XYLT1: variants seen among roughly 807,000 people sequenced by gnomAD.
The protein encoded by XYLT1 is xylosyltransferase 1.
In XYLT1, 36 loss-of-function variants were observed where a neutral mutation model predicts 91.3. That is an observed-to-expected ratio of 0.39 (90% CI 0.30 to 0.52). The LOEUF is 0.52. XYLT1 is among the 20% of genes least tolerant of loss of function. The pLI, the probability that XYLT1 is intolerant of heterozygous loss-of-function variation, is 0.68. For missense variants in XYLT1, 1,242 were observed against 1,284.5 expected (o/e 0.97, Z 0.51); for synonymous variants, 588 against 532.0 (o/e 1.11, Z -1.45).
At chr16:17,122,264 C>G (rs2030089919) in intron 10 of XYLT1, among the ~76,000 whole-genome samples, 1 of 152,100 alleles carries the variant, frequency 6.6e-6, no homozygotes, top group African/African-American at 2.4e-5. Context: ...ATGCCAACAT[C>G]TGTTATTTTT....
intron 1 of XYLT1, among the ~76,000 whole-genome samples, chr16:17,419,702 A>T (rs1247128587): frequency 6.7e-6 from 1 of 149,986 alleles, no homozygotes; most frequent in African/African-American, 2.4e-5. Flanking sequence ...GATTTCTAAA[A>T]TATAAGAAAA....
intron 2 of XYLT1, among the ~76,000 whole-genome samples, chr16:17,323,250 T>C (rs995734401): frequency 2.0e-5 from 3 of 152,252 alleles, no homozygotes; most frequent in Admixed American, 2.0e-4. Flanking sequence ...GGGCAGTACG[T>C]AGAGGACAGG....
chr16:17,291,853 G>A (rs1230387206), intron 2 of XYLT1, among the ~76,000 whole-genome samples: 1 of 152,060 alleles, frequency 6.6e-6, no homozygotes, highest in African/African-American at 2.4e-5. Context: ...AACACAGTGT[G>A]GGGACGAGGT....
intron 1 of XYLT1, among the ~76,000 whole-genome samples, chr16:17,434,774 G>T (rs1210572542): frequency 2.6e-5 from 4 of 152,098 alleles, no homozygotes; most frequent in Admixed American, 6.6e-5. Context: ...AGGCTGATGT[G>T]GGAGGGTCTC....
intron 2 of XYLT1, among the ~76,000 whole-genome samples, chr16:17,335,945 T>C (rs554187557): frequency 6.6e-6 from 1 of 152,340 alleles, no homozygotes; most frequent in East Asian, 1.9e-4. Context: ...TGTGGAGTTA[T>C]AGCTTAAAAT....
At position 17,109,034 on chromosome 16, in the gene XYLT1, A is replaced by G; in HGVS notation, c.2558-17T>C. The G allele has an allele frequency of 6.7e-7, 1 of 1,497,500 alleles. No homozygotes were observed. The highest frequency in any genetic ancestry group is 8.9e-7 in the Non-Finnish European group (1 of 1,121,280). The allele number at this position is 1,497,500 out of a possible 1,614,324, so 92.8% of individuals were successfully genotyped here. ...GTGCCTCCTCTGAAAGCCAAAGGGA[A>G]CAATTTCAGGATCAGAAGAGCCACC... On this transcript the variant is annotated splice_polypyrimidine_tract_variant and intron_variant, in intron 11 of 11. Transcript: ENST00000261381.
intron 5 of XYLT1, among the ~76,000 whole-genome samples, chr16:17,191,817 A>G (rs1232898078): frequency 6.6e-6 from 1 of 152,268 alleles, no homozygotes; most frequent in Non-Finnish European, 1.5e-5. Flanking sequence ...TGTAACTTAC[A>G]TGTCCATGTG....
chr16:17,302,741 G>T (rs1379652), intron 2 of XYLT1, among the ~76,000 whole-genome samples: 90,389 of 152,006 alleles, frequency 0.59, 28,137 homozygotes, highest in African/African-American at 0.79. Context: ...CTTCCTGAAA[G>T]AGGGATGGGT....
rs777022088 is a variant in XYLT1 at position 17,364,225 on chromosome 16, G to A, written c.364-6175C>T. Among the ~76,000 whole-genome samples, 22 of 152,134 alleles carry A rather than the reference G, an allele frequency of 1.4e-4. 1 individual carries two copies. Among genetic ancestry groups the A allele is most frequent in the Admixed American group, 1.1e-3 (17 of 15,278 alleles). ...CTTTATTTTTCTCACTGACCCCCAC[G>A]TAAACAGGTAGGATTATACTTGCCA... is the stretch of plus-strand genomic sequence containing the variant. On this transcript the variant is annotated intron_variant, in intron 1 of 11. Transcript: ENST00000261381.
rs1472070254 is a variant in XYLT1 at position 17,198,294 on chromosome 16, G to C, written c.1207C>G (p.Gln403Glu). Residue 403 changes from glutamine to glutamate, a missense_variant, in exon 5 of 12, where the codon CAG (glutamine) becomes GAG (glutamate). By Grantham distance (29) the Gln-to-Glu change is conservative. Transcript: ENST00000261381. ...GGASLLSTYL[Q>E]SMRDLLEMTD... The stretch of plus-strand genomic sequence containing the variant: ...ATCTCCAGGAGGTCCCGCATGCTCT[G>C]CAGGTAGGTGGACAGGAGGCTGGCT... The C allele has an allele frequency of 6.2e-7, 1 of 1,614,214 alleles. No individual in the cohort carries two copies. The highest frequency in any genetic ancestry group is 1.1e-5 in the South Asian group (1 of 91,090).
intron 2 of XYLT1, among the ~76,000 whole-genome samples, chr16:17,352,649 T>C (rs2035238060): frequency 1.3e-5 from 2 of 152,160 alleles, no homozygotes; most frequent in Admixed American, 1.3e-4. Flanking sequence ...TCAAACCTCA[T>C]CTCTCCAGCT....
chr16:17,264,487 A>G (rs890563958), intron 2 of XYLT1, among the ~76,000 whole-genome samples: 1 of 152,176 alleles, frequency 6.6e-6, no homozygotes, highest in Non-Finnish European at 1.5e-5. Flanking sequence ...TGGACATGAC[A>G]TATCACTTCA....
At chr16:17,387,806 A>G (rs1361688668) in intron 1 of XYLT1, among the ~76,000 whole-genome samples, 1 of 152,164 alleles carries the variant, frequency 6.6e-6, no homozygotes, top group Non-Finnish European at 1.5e-5. Context: ...GAAGCTCAAC[A>G]TTGGCATGCC....
intron 1 of XYLT1, among the ~76,000 whole-genome samples, chr16:17,400,589 C>CA (rs1175663581): frequency 1.4e-5 from 1 of 73,488 alleles, no homozygotes; most frequent in African/African-American, 5.1e-5. Context: ...GACTCCATCT[C>CA]AAAAAAAAAG....
intron 1 of XYLT1, among the ~76,000 whole-genome samples, chr16:17,466,236 A>C (rs2036895109): frequency 6.6e-6 from 1 of 152,202 alleles, no homozygotes; most frequent in Admixed American, 6.5e-5. Flanking sequence ...GGCAGCTCTT[A>C]AGGTAGCACT....
intron 9 of XYLT1, among the ~76,000 whole-genome samples, chr16:17,130,136 C>T (rs2030414816): frequency 6.6e-6 from 1 of 152,252 alleles, no homozygotes; most frequent in Non-Finnish European, 1.5e-5. Flanking sequence ...TGAAGCCATC[C>T]TAGGCTCAGG....
intron 3 of XYLT1, among the ~76,000 whole-genome samples, chr16:17,203,609 C>T (rs530535699): frequency 7.9e-4 from 120 of 152,208 alleles, no homozygotes; most frequent in African/African-American, 2.7e-3. Context: ...TCCACCCATT[C>T]GTTCATGCAT....
intron 4 of XYLT1, 58 bp downstream of exon 4, chr16:17,200,424 G>A: frequency 6.3e-7 from 1 of 1,577,556 alleles, no homozygotes; most frequent in South Asian, 1.1e-5. Flanking sequence ...GGGTATCAGG[G>A]AGGGACGGAC....
intron 1 of XYLT1, among the ~76,000 whole-genome samples, chr16:17,453,391 T>C (rs922098272): frequency 7.2e-5 from 11 of 152,196 alleles, no homozygotes; most frequent in African/African-American, 2.4e-4. Context: ...AAGTCATTTT[T>C]CAGCCAGCAC....
Sources: allele counts gnomAD v4.1 joint callset (sites outside exome capture counted in the v4.1 genomes callset), GRCh38; gene constraint gnomAD v4.1.1; transcripts MANE v1.5; gene names NCBI Gene and HGNC (gene_info 2026-07-23, HGNC 2026-07-21).